The following EFEMP1 variants were observed in gnomAD, a reference collection of about 807,000 sequenced individuals.
EFEMP1 encodes the protein EGF-like fibulin extracellular matrix protein 1, also known as EGF-containing fibulin-like extracellular matrix protein 1.
EFEMP1 carries 18 observed loss-of-function variants against 65.7 expected under a neutral mutation model. The observed-to-expected ratio is 0.27, with a 90% confidence interval of 0.19 to 0.41. The LOEUF is 0.41. Among genes scored for constraint, EFEMP1 ranks in the 10% least tolerant of loss-of-function variants. EFEMP1 has a pLI of 1.00. For missense variants in EFEMP1, 469 were observed against 624.8 expected (o/e 0.75, Z 2.66); for synonymous variants, 237 against 219.7 (o/e 1.08, Z -0.70).
intron 5 of EFEMP1, among the ~76,000 whole-genome samples, chr2:55,915,565 C>G (rs1042466844): frequency 6.6e-6 from 1 of 152,086 alleles, no homozygotes; most frequent in African/African-American, 2.4e-5. Context: ...TTCTTGAATT[C>G]AACCATAAAT....
At chr2:55,901,826 T>C (rs1286989934) in intron 5 of EFEMP1, among the ~76,000 whole-genome samples, 1 of 152,228 alleles carries the variant, frequency 6.6e-6, no homozygotes, top group Non-Finnish European at 1.5e-5. Flanking sequence ...CTAAAGACTC[T>C]TAACTTTGGT....
chr2:55,870,662 A>G lies in EFEMP1; in HGVS notation c.1320+58T>C, dbSNP rs758293089. On this transcript the variant is annotated intron_variant, in intron 11 of 11. Coordinates refer to ENST00000355426, the MANE Select transcript of EFEMP1 (RefSeq NM_001039348.3). The surrounding 1 kb of genome is among the most constrained non-coding windows in gnomAD (Gnocchi z 5.8). ...ATACCACACAACAACAACAACAACA[A>G]CAACAACAACAAACTCCCATCTTTC... 340 of 1,601,744 alleles carry G rather than the reference A, an allele frequency of 2.1e-4. No individual in the cohort carries two copies. The highest frequency in any genetic ancestry group is 9.9e-4 in the Middle Eastern group (6 of 6,044).
intron 6 of EFEMP1, among the ~76,000 whole-genome samples, chr2:55,880,696 G>T (rs1278156064): frequency 6.6e-6 from 1 of 152,216 alleles, no homozygotes; most frequent in Non-Finnish European, 1.5e-5. Flanking sequence ...CTGATCTGTG[G>T]TAAGAAGGGG....
rs1391668045 is a variant in EFEMP1 at position 55,921,557 on chromosome 2, GA to G, written c.81+802del. ...TTTGCCTAACACTGATTAAAGACAAGAAAACACAGAACAGAGGTGCAAACAA... is the reference window on the plus strand; with the variant it reads ...TTTGCCTAACACTGATTAAAGACAAGAAACACAGAACAGAGGTGCAAACAA... On this transcript the variant is annotated intron_variant, in intron 3 of 11. Transcript: ENST00000355426. The surrounding 1 kb of genome is among the most constrained non-coding windows in gnomAD (Gnocchi z 4.1). 6.6e-6 allele frequency among the ~76,000 whole-genome samples: 1 copy of G among 152,166 alleles called. No individual in the cohort carries two copies. The highest frequency in any genetic ancestry group is 2.4e-5 in the African/African-American group (1 of 41,434).
rs1668808153 is a variant in EFEMP1, at chr2:55,871,519, C to T, written c.1001-396G>A. Among the ~76,000 whole-genome samples the T allele has an allele frequency of 6.6e-6, 1 of 151,996 alleles. No individual in the cohort carries two copies. Among genetic ancestry groups the T allele is most frequent in the Non-Finnish European group, 1.5e-5 (1 of 67,992 alleles). On this transcript the variant is annotated intron_variant, in intron 9 of 11. Coordinates refer to ENST00000355426, the MANE Select transcript of EFEMP1 (RefSeq NM_001039348.3). The surrounding 1 kb of genome is among the most constrained non-coding windows in gnomAD (Gnocchi z 4.2). ...ATTAAGTAAGAGATAGATAAGTATACTGGGGCATGTGGAGCAGAGTTGGGT... is the reference window on the plus strand; with the variant it reads ...ATTAAGTAAGAGATAGATAAGTATATTGGGGCATGTGGAGCAGAGTTGGGT...
intron 5 of EFEMP1, among the ~76,000 whole-genome samples, chr2:55,884,550 A>G (rs532367593): frequency 1.1e-4 from 16 of 152,326 alleles, no homozygotes; most frequent in Non-Finnish European, 2.4e-4. Flanking sequence ...GACTTCCCAT[A>G]GTGCAAACAC....
chr2:55,876,559 C>T (rs1572791576), intron 8 of EFEMP1, 64 bp downstream of exon 8: 1 of 1,591,942 alleles, frequency 6.3e-7, no homozygotes, highest in East Asian at 2.3e-5. Context: ...GGTACATAAT[C>T]AGATAAAACA....
Position 55,867,458 on chromosome 2 carries a change from A to T in EFEMP1, c.1321-224T>A, listed in dbSNP as rs1253881901. Among the ~76,000 whole-genome samples the T allele has an allele frequency of 8.0e-4, 106 of 132,172 alleles. No individual in the cohort carries two copies. The highest frequency in any genetic ancestry group is 2.3e-3 in the African/African-American group (82 of 36,260). The allele number at this position is 132,172 out of a possible 152,430, so 86.7% of individuals were successfully genotyped here. On this transcript the variant is annotated intron_variant, in intron 11 of 11. Transcript: ENST00000355426. This position sits in a 1 kb window ranked among gnomAD's most constrained non-coding sequence, Gnocchi z 4.3. ...CAAGGACTTGCTTTTTTTTTTTTTT[A>T]AATAGTTCTTTGTTTTTGATTCCTC...
Position 55,889,170 on chromosome 2 carries a change from G to A in EFEMP1, c.518-7436C>T, listed in dbSNP as rs950562712. 9.8e-5 allele frequency among the ~76,000 whole-genome samples: 15 copies of A among 152,296 alleles called. 1 individual carries two copies. Among genetic ancestry groups the A allele is most frequent in the East Asian group, 9.6e-4 (5 of 5,182 alleles). On this transcript the variant is annotated intron_variant, in intron 5 of 11. Transcript: ENST00000355426. ...TTCAGGCAAATCATCACTTGAGGTCGCATAAGCCCCTGACTATGGCAGTGC... is the reference window on the plus strand; with the variant it reads ...TTCAGGCAAATCATCACTTGAGGTCACATAAGCCCCTGACTATGGCAGTGC...
chr2:55,923,691 C>T lies in EFEMP1; in HGVS notation c.-49+20G>A, dbSNP rs1671000244. ...GAGTACTGGGCTCGCTCGGGGCGAC[C>T]CCCCGTTGGGGGCTCCTACCTGTGC... On this transcript the variant is annotated intron_variant, in intron 1 of 11. Coordinates refer to ENST00000355426, the MANE Select transcript of EFEMP1 (RefSeq NM_001039348.3). This position sits in a 1 kb window ranked among gnomAD's most constrained non-coding sequence, Gnocchi z 5.3. 2.0e-6 allele frequency: 2 copies of T among 985,732 alleles called. No homozygotes were observed. The highest frequency in any genetic ancestry group is 2.4e-6 in the Non-Finnish European group (2 of 830,268). The allele number at this position is 985,732 out of a possible 1,614,324, so 61.1% of individuals were successfully genotyped here. A position where few individuals can be genotyped will look rare whatever the true frequency, so the allele number is the denominator to read the frequency against.
chr2:55,911,507 T>C (rs1291726110), intron 5 of EFEMP1, among the ~76,000 whole-genome samples: 2 of 151,990 alleles, frequency 1.3e-5, no homozygotes, highest in Admixed American at 6.6e-5. Flanking sequence ...GTTATAACAA[T>C]ATATTTAATT....
At chr2:55,916,134 G>T (rs906994601) in intron 5 of EFEMP1, among the ~76,000 whole-genome samples, 19 of 136,784 alleles carry the variant, frequency 1.4e-4, no homozygotes, top group Admixed American at 3.0e-4. Flanking sequence ...TTTTGAGACA[G>T]AGTCTCACTC....
At chr2:55,911,244 T>A (rs892535299) in intron 5 of EFEMP1, among the ~76,000 whole-genome samples, 1 of 152,168 alleles carries the variant, frequency 6.6e-6, no homozygotes, top group Non-Finnish European at 1.5e-5. Flanking sequence ...GTATTGGTGA[T>A]GACAGTAAGA....
chr2:55,914,728 C>A (rs1309005603), intron 5 of EFEMP1, among the ~76,000 whole-genome samples: 1 of 152,168 alleles, frequency 6.6e-6, no homozygotes, highest in African/African-American at 2.4e-5. Flanking sequence ...TTCATTTATT[C>A]TATCCAGTAG....
chr2:55,887,649 G>GTCT (rs1669470007), intron 5 of EFEMP1, among the ~76,000 whole-genome samples: 1 of 152,172 alleles, frequency 6.6e-6, no homozygotes, highest in South Asian at 2.1e-4. Flanking sequence ...AGAGAGAACT[G>GTCT]TCTTAATCGA....
chr2:55,870,993 T>A lies in EFEMP1; in HGVS notation c.1124+7A>T. The A allele has an allele frequency of 6.2e-7, 1 of 1,613,754 alleles. No homozygotes were observed. Among genetic ancestry groups the A allele is most frequent in the Non-Finnish European group, 8.5e-7 (1 of 1,179,798 alleles). On this transcript the variant is annotated splice_region_variant and intron_variant, in intron 10 of 11. Transcript: ENST00000355426. This position sits in a 1 kb window ranked among gnomAD's most constrained non-coding sequence, Gnocchi z 5.8. The stretch of plus-strand genomic sequence containing the variant: ...TCCTCACTTTCAAAAGTTCTGATTT[T>A]TCTTACTTCTCTGGTGTTAGAATGT...
Position 55,876,795 on chromosome 2 carries a change from C to CACAT in EFEMP1, c.761-54_761-53insATGT, listed in dbSNP as rs1553350168. Reference sequence around the variant, plus strand: ...ATGTATATGTATATATATACACACACATATATATATAGACTTTAAACATAT... The same window carrying CACAT: ...ATGTATATGTATATATATACACACACACATATATATATATAGACTTTAAACATAT... On this transcript the variant is annotated intron_variant, in intron 7 of 11. Transcript: ENST00000355426. 4 of 1,078,562 alleles carry CACAT rather than the reference C, an allele frequency of 3.7e-6. No individual in the cohort carries two copies. In the African/African-American group the frequency reaches 6.5e-5, roughly 17 times the overall value. The allele number at this position is 1,078,562 out of a possible 1,614,324, so 66.8% of individuals were successfully genotyped here.
Position 55,889,264 on chromosome 2 carries a change from A to C in EFEMP1, c.518-7530T>G, listed in dbSNP as rs1323630930. ...ACCAATTACATTATGCTTGTTGTTC[A>C]TTCAACAATAAGCAGCTTTTGTGCC... On this transcript the variant is annotated intron_variant, in intron 5 of 11. Transcript: ENST00000355426. Among the ~76,000 whole-genome samples, 6 of 152,222 alleles carry C rather than the reference A, an allele frequency of 3.9e-5. No homozygotes were observed. In the East Asian group the frequency reaches 1.2e-3, roughly 29 times the overall value.
At chr2:55,879,710 C>T (rs1450690926) in intron 6 of EFEMP1, among the ~76,000 whole-genome samples, 2 of 152,274 alleles carry the variant, frequency 1.3e-5, no homozygotes, top group Admixed American at 6.5e-5. Flanking sequence ...CACCATGCTA[C>T]TTGAAGTGTG....
Sources: gnomAD v4.1 joint callset for allele counts (sites outside exome capture counted in the v4.1 genomes callset) on GRCh38, gnomAD v4.1.1 for gene constraint, Gnocchi (gnomAD v3.1) non-coding constraint, MANE v1.5 for transcripts, NCBI Gene and HGNC (gene_info 2026-07-23, HGNC 2026-07-21) for gene names.